The following ANO10 variants were observed in gnomAD, a reference collection of about 807,000 sequenced individuals.
ANO10 encodes anoctamin 10, also known as anoctamin-10.
ANO10 carries 77 observed loss-of-function variants against 74.7 expected under a neutral mutation model. The observed-to-expected ratio is 1.03, with a 90% CI of 0.86 to 1.25. ANO10 has a LOEUF of 1.25. Among genes scored for constraint, ANO10 ranks in the 50% most tolerant of loss-of-function variants. The pLI, the probability that ANO10 is intolerant of heterozygous loss-of-function variation, is 0.00. For missense variants in ANO10, 721 were observed against 778.1 expected (o/e 0.93, Z 0.87); for synonymous variants, 279 against 284.9 (o/e 0.98, Z 0.21).
intron 12 of ANO10, among the ~76,000 whole-genome samples, chr3:43,372,400 T>C (rs2091645751): frequency 6.6e-6 from 1 of 152,202 alleles, no homozygotes; most frequent in Non-Finnish European, 1.5e-5. Flanking sequence ...CGGGGGGCTG[T>C]AGTATGCCAC....
intron 11 of ANO10, among the ~76,000 whole-genome samples, chr3:43,535,495 C>T (rs1010423908): frequency 5.9e-5 from 9 of 151,800 alleles, no homozygotes; most frequent in African/African-American, 1.9e-4. Context: ...AGAATGGTCT[C>T]GATCTCTTGA....
chr3:43,395,730 C>G (rs995896685), intron 12 of ANO10, among the ~76,000 whole-genome samples: 5 of 150,782 alleles, frequency 3.3e-5, no homozygotes, highest in African/African-American at 1.2e-4. Context: ...AGGTCCTTTG[C>G]ATTTCCATAT....
intron 10 of ANO10, among the ~76,000 whole-genome samples, chr3:43,552,372 G>A (rs1227810235): frequency 6.6e-6 from 1 of 151,898 alleles, no homozygotes; most frequent in Non-Finnish European, 1.5e-5. Flanking sequence ...GGGAGCCCAT[G>A]CCTACAAAAA....
At chr3:43,504,748 T>C (rs1490154911) in intron 11 of ANO10, among the ~76,000 whole-genome samples, 1 of 152,080 alleles carries the variant, frequency 6.6e-6, no homozygotes, top group Non-Finnish European at 1.5e-5. Context: ...GTTCAAGGGA[T>C]TCTCCTGCCT....
intron 9 of ANO10, 91 bp from the exon 10 acceptor site, chr3:43,555,560 T>C (rs2079705018): frequency 6.0e-6 from 8 of 1,331,018 alleles, no homozygotes; most frequent in African/African-American, 5.9e-5. Context: ...CTCTAACTAT[T>C]CAAAAAAACC....
chr3:43,674,112 C>T (rs1194362808), intron 1 of ANO10, among the ~76,000 whole-genome samples: 1 of 152,014 alleles, frequency 6.6e-6, no homozygotes, highest in Non-Finnish European at 1.5e-5. Flanking sequence ...GGATATTCAC[C>T]CACATGTCTA....
chr3:43,655,739 A>G (rs1356752624), intron 1 of ANO10, among the ~76,000 whole-genome samples: 1 of 152,106 alleles, frequency 6.6e-6, no homozygotes, highest in African/African-American at 2.4e-5. Flanking sequence ...TGGTGCATTC[A>G]CAAACCCTGA....
intron 2 of ANO10, among the ~76,000 whole-genome samples, chr3:43,604,145 A>G (rs962824969): frequency 6.6e-6 from 1 of 152,184 alleles, no homozygotes; most frequent in Non-Finnish European, 1.5e-5. Context: ...TAGTGCTTCA[A>G]TACCTATAAT....
Position 43,566,004 on chromosome 3 carries a change from A to G in ANO10, c.1219-277T>C, listed in dbSNP as rs7616890. ...CACCGTGTGCGAGCCGAAGCAGGGCAAGGCATTGCCTCCCTTGGGAAGCGC... is the reference window on the plus strand; with the variant it reads ...CACCGTGTGCGAGCCGAAGCAGGGCGAGGCATTGCCTCCCTTGGGAAGCGC... On this transcript the variant is annotated intron_variant, in intron 7 of 12. Transcript: ENST00000292246. Among the ~76,000 whole-genome samples the G allele has an allele frequency of 0.79, 120,472 of 152,088 alleles. 48,452 individuals are homozygous for G. The highest frequency in any genetic ancestry group is 0.92 in the African/African-American group (38,084 of 41,508).
At chr3:43,592,056 G>A (rs529884679) in intron 4 of ANO10, among the ~76,000 whole-genome samples, 5 of 152,322 alleles carry the variant, frequency 3.3e-5, no homozygotes, top group South Asian at 2.1e-4. Context: ...GGGGAGGGGC[G>A]CCCGCCATTG....
intron 11 of ANO10, among the ~76,000 whole-genome samples, chr3:43,514,376 A>G (rs1170938222): frequency 6.6e-6 from 1 of 152,238 alleles, no homozygotes; most frequent in Non-Finnish European, 1.5e-5. Context: ...TTCAAAGCAA[A>G]GAATATTACA....
rs569546109 is a variant in ANO10 at position 43,664,366 on chromosome 3, AT to A, written c.-12+27150del. On this transcript the variant is annotated intron_variant, in intron 1 of 3. Coordinates refer to the ANO10 transcript ENST00000413397. The stretch of plus-strand genomic sequence containing the variant: ...AAACTGGACCCCTTCCTTACACCTT[AT>A]ATAAAAATCAACTCAAGATGGATCA... Among the ~76,000 whole-genome samples, 220 of 152,284 alleles carry A rather than the reference AT, an allele frequency of 1.4e-3. 1 individual carries two copies. The highest frequency in any genetic ancestry group is 5.1e-3 in the African/African-American group (212 of 41,542).
chr3:43,684,232 A>C (rs1164260863), intron 1 of ANO10, among the ~76,000 whole-genome samples: 1 of 152,226 alleles, frequency 6.6e-6, no homozygotes, highest in East Asian at 1.9e-4. Context: ...ACAAATTTAC[A>C]AGAAAAAAAC....
At chr3:43,679,334 C>T (rs986377372) in intron 1 of ANO10, among the ~76,000 whole-genome samples, 2 of 152,156 alleles carry the variant, frequency 1.3e-5, no homozygotes, top group South Asian at 2.1e-4. Context: ...CACGGAGCCT[C>T]GCTGATTGCT....
intron 1 of ANO10, chr3:43,691,219 C>A: frequency 1.9e-6 from 1 of 514,822 alleles, no homozygotes; most frequent in Non-Finnish European, 3.0e-6. Flanking sequence ...CGCCGCTCTG[C>A]CTGGGAGAGG....
intron 5 of ANO10, 110 bp downstream of exon 5, chr3:43,580,243 T>C: frequency 1.4e-6 from 2 of 1,434,926 alleles, no homozygotes; most frequent in Non-Finnish European, 1.9e-6. Flanking sequence ...TGGTGATCCC[T>C]GCCCAGTAGA....
chr3:43,620,900 G>A (rs577125803), intron 1 of ANO10, among the ~76,000 whole-genome samples: 2 of 152,294 alleles, frequency 1.3e-5, no homozygotes, highest in South Asian at 4.1e-4. Flanking sequence ...GATTCTTTCA[G>A]CAACAGCTGT....
At chr3:43,411,641 T>C (rs1199927967) in intron 12 of ANO10, among the ~76,000 whole-genome samples, 1 of 152,174 alleles carries the variant, frequency 6.6e-6, no homozygotes, top group Non-Finnish European at 1.5e-5. Flanking sequence ...GCTGCTTCTC[T>C]CTCTGGAATG....
intron 11 of ANO10, among the ~76,000 whole-genome samples, chr3:43,533,660 C>T (rs1440089886): frequency 1.3e-5 from 2 of 152,198 alleles, no homozygotes. Flanking sequence ...GCAGTTCTTG[C>T]TTTTGCTAAA....
Sources: gnomAD v4.1 joint callset for allele counts (sites outside exome capture counted in the v4.1 genomes callset) on GRCh38, gnomAD v4.1.1 for gene constraint, MANE v1.5 for transcripts, NCBI Gene and HGNC (gene_info 2026-07-23, HGNC 2026-07-21) for gene names.